CDH13: variants seen among roughly 807,000 people sequenced by gnomAD.
The protein encoded by CDH13 is cadherin-13.
In CDH13, 24 loss-of-function variants were observed where a neutral mutation model predicts 63.8. The ratio of observed to expected loss-of-function variants is 0.38; its 90% CI spans 0.27 to 0.53. CDH13 has a LOEUF of 0.53. CDH13 is among the 20% of genes least tolerant of loss of function. The probability of loss-of-function intolerance (pLI) is 0.85; values close to 1 mark genes in which losing one functional copy is unlikely to be tolerated. For synonymous variants in CDH13, 503 were observed against 355.3 expected (o/e 1.42, Z -4.67); for missense variants, 1,049 against 903.1 (o/e 1.16, Z -2.07).
chr16:82,676,703 G>A (rs1231227465), intron 1 of CDH13, among the ~76,000 whole-genome samples: 9 of 151,838 alleles, frequency 5.9e-5, no homozygotes, highest in Non-Finnish European at 8.8e-5. Context: ...ACAAAACCTC[G>A]GACATGAGCT....
intron 1 of CDH13, among the ~76,000 whole-genome samples, chr16:82,771,222 AAGGTGCTTTC>A (rs1401639442): frequency 6.6e-6 from 1 of 152,228 alleles, no homozygotes; most frequent in Non-Finnish European, 1.5e-5. Flanking sequence ...CACTGAAATC[AAGGTGCTTTC>A]CAGTTTTTTA....
At chr16:82,930,373 T>G (rs1237080829) in intron 2 of CDH13, among the ~76,000 whole-genome samples, 2 of 152,196 alleles carry the variant, frequency 1.3e-5, no homozygotes, top group South Asian at 2.1e-4. Flanking sequence ...CAGCTAACAT[T>G]TAACAGAGAT....
At chr16:83,097,380 A>C (rs2034258657) in intron 3 of CDH13, among the ~76,000 whole-genome samples, 1 of 152,220 alleles carries the variant, frequency 6.6e-6, no homozygotes, top group Non-Finnish European at 1.5e-5. Flanking sequence ...GGTGCTGCCA[A>C]ATATAACACT....
intron 3 of CDH13, among the ~76,000 whole-genome samples, chr16:83,083,360 A>G (rs2033383372): frequency 6.6e-6 from 1 of 152,240 alleles, no homozygotes; most frequent in South Asian, 2.1e-4. Context: ...TGAAATTTGA[A>G]AGGAAGACAA....
At chr16:83,666,084 C>G (rs1187285798) in intron 8 of CDH13, among the ~76,000 whole-genome samples, 2 of 152,158 alleles carry the variant, frequency 1.3e-5, no homozygotes, top group Non-Finnish European at 2.9e-5. Context: ...CACAGTTTAA[C>G]AGAAAAGTAA....
intron 6 of CDH13, among the ~76,000 whole-genome samples, chr16:83,356,487 T>C (rs545063300): frequency 3.9e-4 from 59 of 152,240 alleles, no homozygotes; most frequent in Admixed American, 3.9e-3. Flanking sequence ...TCAGAAAAGA[T>C]TGATAATCAG....
At chr16:82,832,700 C>T (rs530946714) in intron 1 of CDH13, among the ~76,000 whole-genome samples, 1 of 149,046 alleles carries the variant, frequency 6.7e-6, no homozygotes, top group South Asian at 2.1e-4. Flanking sequence ...GTTTCAGTAA[C>T]ATTGCCATGT....
At chr16:83,307,376 C>T (rs1446473684) in intron 5 of CDH13, among the ~76,000 whole-genome samples, 1 of 152,198 alleles carries the variant, frequency 6.6e-6, no homozygotes. Context: ...AACCTGAGCT[C>T]CAGGCAGTGC....
At chr16:83,073,313 G>T (rs1355070028) in intron 3 of CDH13, among the ~76,000 whole-genome samples, 2 of 137,156 alleles carry the variant, frequency 1.5e-5, no homozygotes, top group African/African-American at 3.0e-5. Flanking sequence ...TCTCTTTGGG[G>T]TGTGTGTCTG....
chr16:82,661,884 C>T lies in CDH13; in HGVS notation c.45+34747C>T, dbSNP rs2150926508. Reference sequence around the variant, plus strand: ...GTAATTAGGGGACTTGTTAAATCTGCACTGTCTAATATAGTAGCCACTAGT... The same window carrying T: ...GTAATTAGGGGACTTGTTAAATCTGTACTGTCTAATATAGTAGCCACTAGT... On this transcript the variant is annotated intron_variant, in intron 1 of 13. Coordinates refer to ENST00000567109, the MANE Select transcript of CDH13 (RefSeq NM_001257.5). Among the ~76,000 whole-genome samples the T allele has an allele frequency of 2.0e-5, 3 of 152,330 alleles. No homozygotes were observed. The Middle Eastern group carries it at 0.01, about 518-fold the overall frequency.
intron 7 of CDH13, among the ~76,000 whole-genome samples, chr16:83,503,138 G>C (rs2074321192): frequency 6.6e-6 from 1 of 152,164 alleles, no homozygotes. Flanking sequence ...CACATCATCA[G>C]GTAAGCAAGG....
intron 6 of CDH13, among the ~76,000 whole-genome samples, chr16:83,367,476 G>C (rs2091280617): frequency 6.6e-6 from 1 of 152,130 alleles, no homozygotes; most frequent in Non-Finnish European, 1.5e-5. Context: ...GTTTCCTGTG[G>C]ATATATGTTT....
At chr16:83,645,096 C>T (rs1210388254) in intron 8 of CDH13, among the ~76,000 whole-genome samples, 3 of 152,194 alleles carry the variant, frequency 2.0e-5, no homozygotes, top group African/African-American at 4.8e-5. Context: ...GGCTACTCCT[C>T]ATATGTTCAC....
intron 10 of CDH13, among the ~76,000 whole-genome samples, chr16:83,724,534 A>G (rs2576474): frequency 0.75 from 113,840 of 152,036 alleles, 43,014 homozygotes; most frequent in Non-Finnish European, 0.79. Flanking sequence ...GAATGCATGG[A>G]TGAATGATGA....
intron 1 of CDH13, among the ~76,000 whole-genome samples, chr16:82,803,385 C>G (rs1056495343): frequency 2.6e-5 from 4 of 152,128 alleles, no homozygotes; most frequent in Non-Finnish European, 4.4e-5. Flanking sequence ...GTTTTCTTCC[C>G]AAGTTACTGA....
intron 4 of CDH13, among the ~76,000 whole-genome samples, chr16:83,161,011 C>G (rs2037422417): frequency 6.6e-6 from 1 of 152,202 alleles, no homozygotes. Flanking sequence ...GCTGCCATTG[C>G]TATGAAAATG....
At chr16:82,871,408 G>T (rs2040337140) in intron 2 of CDH13, among the ~76,000 whole-genome samples, 1 of 152,100 alleles carries the variant, frequency 6.6e-6, no homozygotes, top group Admixed American at 6.6e-5. Context: ...GATCAACAAG[G>T]GAGATAGGAG....
intron 10 of CDH13, among the ~76,000 whole-genome samples, chr16:83,724,462 T>C (rs1206294252): frequency 6.6e-6 from 1 of 151,630 alleles, no homozygotes; most frequent in East Asian, 1.9e-4. Context: ...CATGGGTGGA[T>C]GATGAATGCA....
At chr16:83,333,635 C>CG (rs1452295105) in intron 5 of CDH13, among the ~76,000 whole-genome samples, 7 of 152,168 alleles carry the variant, frequency 4.6e-5, no homozygotes, top group African/African-American at 1.7e-4. Context: ...TCTGTGTACA[C>CG]ATGCTCATTT....
Sources: gnomAD v4.1 joint callset for allele counts (sites outside exome capture counted in the v4.1 genomes callset) on GRCh38, gnomAD v4.1.1 for gene constraint, MANE v1.5 for transcripts, NCBI Gene and HGNC (gene_info 2026-07-23, HGNC 2026-07-21) for gene names.